The following IFT88 variants were observed in gnomAD, a reference collection of about 807,000 sequenced individuals.
The protein encoded by IFT88 is intraflagellar transport 88.
In IFT88, 74 loss-of-function variants were observed where a neutral mutation model predicts 119.5. The ratio of observed to expected loss-of-function variants is 0.62; its 90% CI spans 0.51 to 0.75. The LOEUF (loss-of-function observed/expected upper bound fraction) is 0.75, where lower values mean the gene tolerates loss of function less well. IFT88 is among the 30% of genes least tolerant of loss of function. IFT88 has a pLI of 0.00. For synonymous variants in IFT88, 279 were observed against 316.7 expected (o/e 0.88, Z 1.26); for missense variants, 961 against 977.7 (o/e 0.98, Z 0.23).
chr13:20,573,055 G>T (rs780282981), intron 1 of IFT88, among the ~76,000 whole-genome samples: 4 of 152,040 alleles, frequency 2.6e-5, no homozygotes, highest in Non-Finnish European at 4.4e-5. Context: ...GAAAAGAAAG[G>T]TTTAATTTGA....
intron 24 of IFT88, among the ~76,000 whole-genome samples, chr13:20,680,656 C>G (rs529499649): frequency 7.6e-4 from 115 of 152,258 alleles, no homozygotes; most frequent in African/African-American, 2.7e-3. Context: ...TGTTGCTCGC[C>G]AGCACTTGTG....
At chr13:20,590,896 T>C (rs2040552124) in intron 4 of IFT88, 71 bp from the exon 5 acceptor site, 8 of 1,061,218 alleles carry the variant, frequency 7.5e-6, no homozygotes, top group Non-Finnish European at 1.1e-5. Context: ...AGAAAACTTC[T>C]ATAACTTGGT....
intron 3 of IFT88, among the ~76,000 whole-genome samples, chr13:20,586,915 T>TTA (rs397701553): frequency 6.6e-6 from 1 of 152,052 alleles, no homozygotes; most frequent in African/African-American, 2.4e-5. Context: ...CCATTTTTTT[T>TTA]AACCTCTAAT....
intron 1 of IFT88, among the ~76,000 whole-genome samples, chr13:20,571,644 G>A (rs902632429): frequency 6.6e-5 from 10 of 152,140 alleles, no homozygotes; most frequent in Admixed American, 6.6e-4. Flanking sequence ...AGGACCAGGT[G>A]GTCTTTGGTA....
Position 20,597,815 on chromosome 13 carries a change from A to C in IFT88, c.594+696A>C, listed in dbSNP as rs972339146. Among the ~76,000 whole-genome samples the C allele has an allele frequency of 2.0e-5, 3 of 151,384 alleles. No homozygotes were observed. In the South Asian group the frequency reaches 6.2e-4, roughly 31 times the overall value. On this transcript the variant is annotated intron_variant, in intron 9 of 25. Coordinates refer to ENST00000351808, the MANE Select transcript of IFT88 (RefSeq NM_006531.5). ...TAAGTACCTGCAAACCTACCATGCA[A>C]TGGCTCTATTTCTTGAAGAGCACTA...
At chr13:20,573,750 G>T (rs925163251) in intron 1 of IFT88, among the ~76,000 whole-genome samples, 1 of 152,190 alleles carries the variant, frequency 6.6e-6, no homozygotes, top group Non-Finnish European at 1.5e-5. Context: ...TGATGGGTAT[G>T]TGGTGGCTTC....
intron 6 of IFT88, among the ~76,000 whole-genome samples, chr13:20,591,903 A>G (rs1359323949): frequency 6.6e-6 from 1 of 152,224 alleles, no homozygotes; most frequent in Non-Finnish European, 1.5e-5. Flanking sequence ...GTCAAAATGC[A>G]TTGAAATAAT....
chr13:20,664,260 G>T (rs937535210), intron 23 of IFT88, among the ~76,000 whole-genome samples: 1 of 152,170 alleles, frequency 6.6e-6, no homozygotes, highest in African/African-American at 2.4e-5. Context: ...GTTTTAAAAT[G>T]TTAAAACTAG....
intron 16 of IFT88, chr13:20,631,720 A>AG (rs2048236435): frequency 1.3e-5 from 2 of 152,508 alleles, no homozygotes; most frequent in African/African-American, 4.8e-5. Flanking sequence ...GAATATAGAA[A>AG]GGGGCATTTG....
chr13:20,579,802 A>G (rs367591694), intron 2 of IFT88, among the ~76,000 whole-genome samples: 10 of 152,178 alleles, frequency 6.6e-5, no homozygotes, highest in African/African-American at 2.2e-4. Context: ...CCCAAGTCCC[A>G]CTGTATGTAC....
At chr13:20,676,233 C>G (rs1453305356) in intron 24 of IFT88, among the ~76,000 whole-genome samples, 1 of 152,174 alleles carries the variant, frequency 6.6e-6, no homozygotes, top group Non-Finnish European at 1.5e-5. Context: ...CATCCATGGA[C>G]CACCTTCCTG....
chr13:20,645,026 A>G (rs918516414), intron 20 of IFT88, 68 bp downstream of exon 20: 49 of 685,328 alleles, frequency 7.1e-5, no homozygotes, highest in Non-Finnish European at 1.2e-4. Flanking sequence ...CCCTAGAATT[A>G]GTATCTGATA....
At chr13:20,661,263 A>G (rs2083093745) in intron 22 of IFT88, among the ~76,000 whole-genome samples, 1 of 152,184 alleles carries the variant, frequency 6.6e-6, no homozygotes, top group Non-Finnish European at 1.5e-5. Context: ...CTTGAAGGGT[A>G]CGGAGGGTTT....
intron 9 of IFT88, among the ~76,000 whole-genome samples, chr13:20,598,303 G>T (rs192294896): frequency 6.6e-6 from 1 of 151,964 alleles, no homozygotes; most frequent in Non-Finnish European, 1.5e-5. Context: ...ATATTTCCAC[G>T]TTTAATTTAT....
chr13:20,604,002 A>G (rs1451004863), intron 12 of IFT88, among the ~76,000 whole-genome samples: 1 of 152,216 alleles, frequency 6.6e-6, no homozygotes, highest in African/African-American at 2.4e-5. Flanking sequence ...TCAAGGGTTT[A>G]GTGAGTTGTG....
chr13:20,641,281 T>A lies in IFT88; in HGVS notation c.1574-9T>A. 1 of 1,546,532 alleles carries A rather than the reference T, an allele frequency of 6.5e-7. No individual in the cohort carries two copies. Among genetic ancestry groups the A allele is most frequent in the Non-Finnish European group, 8.8e-7 (1 of 1,132,340 alleles). ...TTATAGATTTTCTTTTTTTTCTTCT[T>A]TTTTTAAGGCCTTACCTATGAGAAA... On this transcript the variant is annotated splice_polypyrimidine_tract_variant and intron_variant, in intron 17 of 25. Coordinates refer to ENST00000351808, the MANE Select transcript of IFT88 (RefSeq NM_006531.5).
chr13:20,645,603 T>G (rs2050624810), intron 20 of IFT88, among the ~76,000 whole-genome samples: 1 of 152,166 alleles, frequency 6.6e-6, no homozygotes, highest in Non-Finnish European at 1.5e-5. Context: ...TAAAAGAGTC[T>G]TAATACAAGA....
chr13:20,623,750 CA>C (rs2046892600), intron 14 of IFT88, among the ~76,000 whole-genome samples: 1 of 152,222 alleles, frequency 6.6e-6, no homozygotes. Flanking sequence ...GCTGGGATTA[CA>C]GGCGTGAGCC....
intron 24 of IFT88, among the ~76,000 whole-genome samples, chr13:20,687,049 A>C (rs2480434): frequency 7.1e-6 from 1 of 140,812 alleles, no homozygotes; most frequent in South Asian, 2.3e-4. Flanking sequence ...AAAAAAAAAA[A>C]CCTCATATTT....
Sources: allele counts gnomAD v4.1 joint callset (sites outside exome capture counted in the v4.1 genomes callset), GRCh38; gene constraint gnomAD v4.1.1; transcripts MANE v1.5; gene names NCBI Gene and HGNC (gene_info 2026-07-23, HGNC 2026-07-21).